CADM2: variants seen among roughly 807,000 people sequenced by gnomAD.
CADM2 encodes the protein cell adhesion molecule 2.
In CADM2, 12 loss-of-function variants were observed where a neutral mutation model predicts 49.8. The observed-to-expected ratio is 0.24, with a 90% CI of 0.15 to 0.39. The LOEUF is 0.39. Ranked by LOEUF, CADM2 falls within the 10% of genes least tolerant of loss-of-function variation. The pLI, the probability that CADM2 is intolerant of heterozygous loss-of-function variation, is 1.00. For synonymous variants in CADM2, 214 were observed against 175.4 expected (o/e 1.22, Z -1.74); for missense variants, 378 against 492.3 (o/e 0.77, Z 2.20).
chr3:85,400,056 G>T (rs955060584), intron 1 of CADM2, among the ~76,000 whole-genome samples: 1 of 152,008 alleles, frequency 6.6e-6, no homozygotes, highest in Non-Finnish European at 1.5e-5. Flanking sequence ...TCCATTTTTT[G>T]CCCATTCAGT....
At chr3:85,685,693 G>A (rs1366488232) in intron 1 of CADM2, among the ~76,000 whole-genome samples, 6 of 143,240 alleles carry the variant, frequency 4.2e-5, no homozygotes, top group African/African-American at 1.0e-4. Context: ...GTGTGATCTC[G>A]GCTCACTGCA....
chr3:86,000,870 G>A (rs1228655820), intron 8 of CADM2, among the ~76,000 whole-genome samples: 1 of 152,098 alleles, frequency 6.6e-6, no homozygotes, highest in Admixed American at 6.6e-5. Context: ...GAAAGAGAGA[G>A]AGGAGAGGTC....
chr3:85,650,774 A>G (rs777256546), intron 1 of CADM2, among the ~76,000 whole-genome samples: 1 of 151,536 alleles, frequency 6.6e-6, no homozygotes, highest in Non-Finnish European at 1.5e-5. Flanking sequence ...CAGGTGATTT[A>G]TTTTCTTCCT....
rs1438476769 is a variant in CADM2, at chr3:86,069,931, G to A, written c.*3148G>A. On this transcript the variant is annotated 3_prime_UTR_variant, in exon 10 of 10. Coordinates refer to ENST00000383699, the MANE Select transcript of CADM2 (RefSeq NM_001167675.2). ...TTGTGAGTGCAAGATTAAAGACAGA[G>A]CGCATGAGCAGAGTACTGATGGTGT... is the stretch of plus-strand genomic sequence containing the variant. 1 of 151,852 alleles carries A rather than the reference G, an allele frequency of 6.6e-6. No homozygotes were observed. The highest frequency in any genetic ancestry group is 1.5e-5 in the Non-Finnish European group (1 of 67,792). The allele number at this position is 151,852 out of a possible 1,614,324, so 9.4% of individuals were successfully genotyped here.
In CADM2 at chr3:85,886,244, A is replaced by G; in HGVS notation, c.446A>G (p.Asp149Gly). The G allele has an allele frequency of 6.2e-7, 1 of 1,613,992 alleles. No individual in the cohort carries two copies. Residue 149 changes from aspartate (D) to glycine (G), a missense_variant, in exon 5 of 10, where the codon GAC (aspartate) becomes GGC (glycine). Physicochemically the swap from Asp to Gly is moderately conservative, Grantham distance 94. Transcript: ENST00000383699. ...TTCTCATCACCAGTTATGGAGGGTG[A>G]CTTGATGCAGCTGACTTGCAAAACA... ...SGFSSPVMEG[D>G]LMQLTCKTSG...
At chr3:85,283,563 G>A (rs905375315) in intron 1 of CADM2, among the ~76,000 whole-genome samples, 13 of 151,934 alleles carry the variant, frequency 8.6e-5, no homozygotes, top group African/African-American at 2.4e-4. Context: ...TTGATACTTT[G>A]TATTTTATAG....
chr3:85,241,132 T>A (rs1246901088), intron 1 of CADM2, among the ~76,000 whole-genome samples: 1 of 151,526 alleles, frequency 6.6e-6, no homozygotes, highest in African/African-American at 2.4e-5. Flanking sequence ...ATTATAAATG[T>A]AATAGACTTA....
chr3:85,533,878 T>C (rs2061371780), intron 1 of CADM2, among the ~76,000 whole-genome samples: 1 of 152,178 alleles, frequency 6.6e-6, no homozygotes, highest in Non-Finnish European at 1.5e-5. Flanking sequence ...GTCTTTAAAT[T>C]CTAGGGAAAG....
intron 1 of CADM2, among the ~76,000 whole-genome samples, chr3:85,131,324 T>C (rs2039220703): frequency 1.3e-5 from 2 of 152,246 alleles, no homozygotes; most frequent in African/African-American, 2.4e-5. Flanking sequence ...GACAGATAGA[T>C]AGGACAATGA....
At chr3:85,876,518 A>T (rs1711862900) in intron 3 of CADM2, among the ~76,000 whole-genome samples, 1 of 152,146 alleles carries the variant, frequency 6.6e-6, no homozygotes, top group African/African-American at 2.4e-5. Context: ...CAATGGGTGA[A>T]CTAGAAAAAA....
chr3:85,074,004 A>C (rs1300087591), intron 1 of CADM2, among the ~76,000 whole-genome samples: 1 of 152,184 alleles, frequency 6.6e-6, no homozygotes, highest in Non-Finnish European at 1.5e-5. Context: ...TAAATTGATT[A>C]AATGTAACGT....
chr3:85,546,139 A>G, intron 1 of CADM2, among the ~76,000 whole-genome samples: 1 of 152,204 alleles, frequency 6.6e-6, no homozygotes, highest in East Asian at 1.9e-4. Context: ...CAAGTCCCTG[A>G]ATATAGATTT....
At chr3:85,738,931 T>C (rs1330697327) in intron 2 of CADM2, among the ~76,000 whole-genome samples, 1 of 152,150 alleles carries the variant, frequency 6.6e-6, no homozygotes, top group Non-Finnish European at 1.5e-5. Context: ...TAGTCAAAAG[T>C]AGTTGTAATA....
chr3:85,541,627 C>T (rs1386675657), intron 1 of CADM2, among the ~76,000 whole-genome samples: 1 of 147,880 alleles, frequency 6.8e-6, no homozygotes, highest in Non-Finnish European at 1.5e-5. Flanking sequence ...ACTTCTTCCT[C>T]TACACAATTA....
intron 3 of CADM2, among the ~76,000 whole-genome samples, chr3:85,845,155 CAAA>C (rs71112121): frequency 2.8e-4 from 25 of 88,052 alleles, no homozygotes; most frequent in African/African-American, 6.4e-4. Flanking sequence ...GACTTAGTCA[CAAA>C]AAAAAAAAAA....
chr3:85,982,758 A>C (rs1727632702), intron 8 of CADM2, among the ~76,000 whole-genome samples: 1 of 151,634 alleles, frequency 6.6e-6, no homozygotes, highest in African/African-American at 2.4e-5. Context: ...AAAATCATTT[A>C]TTTATAAGTT....
chr3:86,057,138 T>G (rs1438111842), intron 8 of CADM2, among the ~76,000 whole-genome samples: 2 of 152,162 alleles, frequency 1.3e-5, no homozygotes, highest in Non-Finnish European at 2.9e-5. Flanking sequence ...TACATAAAAT[T>G]ACGACATAAT....
At chr3:85,131,069 C>G (rs926380053) in intron 1 of CADM2, among the ~76,000 whole-genome samples, 1 of 152,002 alleles carries the variant, frequency 6.6e-6, no homozygotes, top group African/African-American at 2.4e-5. Flanking sequence ...ATTCCAGCTA[C>G]TCAGGAGGCT....
chr3:85,942,980 A>G (rs1722140297), intron 7 of CADM2, among the ~76,000 whole-genome samples: 1 of 152,106 alleles, frequency 6.6e-6, no homozygotes, highest in African/African-American at 2.4e-5. Context: ...ATTTCTTCAC[A>G]TCCTCTCCAG....
Sources: allele counts gnomAD v4.1 joint callset (sites outside exome capture counted in the v4.1 genomes callset), GRCh38; gene constraint gnomAD v4.1.1; transcripts MANE v1.5; gene names NCBI Gene and HGNC (gene_info 2026-07-23, HGNC 2026-07-21).